The following CD2AP variants were observed in gnomAD, a reference collection of about 807,000 sequenced individuals.
CD2AP encodes CD2 associated protein.
CD2AP carries 46 observed loss-of-function variants against 85.1 expected under a neutral mutation model. The ratio of observed to expected loss-of-function variants is 0.54; its 90% confidence interval spans 0.43 to 0.69. The LOEUF is 0.69. CD2AP is among the 30% of genes least tolerant of loss of function. CD2AP has a pLI of 0.00. For missense variants in CD2AP, 769 were observed against 729.5 expected, an observed-to-expected ratio of 1.05 and a Z score of -0.62; for synonymous variants, 255 against 252.9, an observed-to-expected ratio of 1.01 and a Z score of -0.08.
intron 2 of CD2AP, among the ~76,000 whole-genome samples, chr6:47,510,491 A>G (rs965087932): frequency 3.3e-5 from 5 of 152,216 alleles, no homozygotes; most frequent in African/African-American, 1.2e-4. Flanking sequence ...GGTTAAAAAA[A>G]CAAAAGGTGG....
At chr6:47,560,252 A>G (rs1353217253) in intron 5 of CD2AP, among the ~76,000 whole-genome samples, 1 of 152,164 alleles carries the variant, frequency 6.6e-6, no homozygotes, top group Non-Finnish European at 1.5e-5. Context: ...TAGTATTTCA[A>G]TGTGTATTTC....
At chr6:47,478,825 C>G (rs1008120310) in intron 1 of CD2AP, among the ~76,000 whole-genome samples, 1 of 152,076 alleles carries the variant, frequency 6.6e-6, no homozygotes, top group Non-Finnish European at 1.5e-5. Flanking sequence ...GTGTTGGCAC[C>G]TAAGCATTCA....
intron 11 of CD2AP, among the ~76,000 whole-genome samples, chr6:47,584,107 T>C (rs1768556040): frequency 6.6e-6 from 1 of 152,234 alleles, no homozygotes; most frequent in Non-Finnish European, 1.5e-5. Flanking sequence ...AGGTTTTTTT[T>C]CCTTCAGTTT....
At chr6:47,593,140 AT>A (rs1391651001) in intron 11 of CD2AP, among the ~76,000 whole-genome samples, 1 of 152,122 alleles carries the variant, frequency 6.6e-6, no homozygotes, top group African/African-American at 2.4e-5. Context: ...GTGGGAATAA[AT>A]CCCCACACAT....
At chr6:47,612,993 A>C (rs1433594124) in intron 17 of CD2AP, among the ~76,000 whole-genome samples, 1 of 152,122 alleles carries the variant, frequency 6.6e-6, no homozygotes, top group East Asian at 1.9e-4. Flanking sequence ...TATTCACAGG[A>C]TCTTCACCAA....
chr6:47,562,776 T>C (rs1380762598), intron 5 of CD2AP: 14 of 1,080,972 alleles, frequency 1.3e-5, no homozygotes, highest in Admixed American at 8.5e-5. Context: ...TTTGTGTGCT[T>C]GCATCCAACT....
At chr6:47,537,796 ATT>A (rs777466357) in intron 3 of CD2AP, among the ~76,000 whole-genome samples, 7 of 145,370 alleles carry the variant, frequency 4.8e-5, no homozygotes, top group Non-Finnish European at 6.1e-5. Context: ...AAGGATGAGA[ATT>A]TTTTTTTTTT....
At chr6:47,524,671 A>G (rs961959377) in intron 2 of CD2AP, among the ~76,000 whole-genome samples, 3 of 152,162 alleles carry the variant, frequency 2.0e-5, no homozygotes, top group Non-Finnish European at 2.9e-5. Flanking sequence ...AAAAAAGGAA[A>G]GGAGTAGGAT....
At chr6:47,524,191 T>A (rs866332130) in intron 2 of CD2AP, among the ~76,000 whole-genome samples, 1 of 152,142 alleles carries the variant, frequency 6.6e-6, no homozygotes, top group South Asian at 2.1e-4. Context: ...TTGTTTCGGC[T>A]AAGGTATTTC....
chr6:47,626,153 G>T lies in CD2AP; in HGVS notation c.*1926G>T, dbSNP rs1469286080. ...ATTTCAGGCTGTTCTTAAAGTTTTT[G>T]TTGGTCATTTTCTCAATAGTACATG... is the stretch of plus-strand genomic sequence containing the variant. On this transcript the variant is annotated 3_prime_UTR_variant, in exon 18 of 18. Transcript: ENST00000359314. The T allele has an allele frequency of 1.3e-5, 2 of 151,880 alleles. No homozygotes were observed. The highest frequency in any genetic ancestry group is 2.9e-5 in the Non-Finnish European group (2 of 67,806). 9.4% of individuals were successfully genotyped at this position (151,880 alleles called of 1,614,324 possible).
intron 17 of CD2AP, among the ~76,000 whole-genome samples, chr6:47,615,467 T>C (rs1392855914): frequency 2.0e-5 from 3 of 152,126 alleles, no homozygotes; most frequent in Non-Finnish European, 4.4e-5. Flanking sequence ...TGGGGAGGCC[T>C]CAGGGAGCTT....
intron 3 of CD2AP, 48 bp downstream of exon 3, chr6:47,533,803 T>TATTTTATAACTGTGTCTAAATTAAGA: frequency 6.3e-7 from 1 of 1,586,132 alleles, no homozygotes; most frequent in Non-Finnish European, 8.6e-7. Context: ...AATAGAAGGA[T>TATTTTATAACTGTGTCTAAATTAAGA]ATTTTATAAC....
intron 2 of CD2AP, among the ~76,000 whole-genome samples, chr6:47,531,347 TACAC>T (rs1475369186): frequency 2.0e-5 from 3 of 152,066 alleles, no homozygotes; most frequent in East Asian, 3.9e-4. Flanking sequence ...TAAAAAATAA[TACAC>T]AGAAACTGAA....
chr6:47,506,810 G>A (rs1278212088), intron 2 of CD2AP, among the ~76,000 whole-genome samples: 1 of 27,738 alleles, frequency 3.6e-5, no homozygotes, highest in Non-Finnish European at 6.8e-5. Flanking sequence ...AGAGGGAGAG[G>A]GAGAGGGAGA....
At chr6:47,617,243 G>A (rs907248474) in intron 17 of CD2AP, among the ~76,000 whole-genome samples, 4 of 152,126 alleles carry the variant, frequency 2.6e-5, no homozygotes, top group African/African-American at 9.7e-5. Flanking sequence ...AGGATTAAAG[G>A]TATGAGCCAC....
chr6:47,549,572 C>T (rs186715696), intron 4 of CD2AP, among the ~76,000 whole-genome samples: 207 of 149,868 alleles, frequency 1.4e-3, no homozygotes, highest in African/African-American at 4.7e-3. Flanking sequence ...ACGACAAAAA[C>T]AAATGGAAAC....
chr6:47,535,006 G>A (rs973534077), intron 3 of CD2AP, among the ~76,000 whole-genome samples: 2 of 151,960 alleles, frequency 1.3e-5, no homozygotes, highest in Non-Finnish European at 2.9e-5. Context: ...CATGTTGCCT[G>A]AGCTGTTCTT....
At chr6:47,554,890 A>G (rs945899063) in intron 5 of CD2AP, 124 bp downstream of exon 5, 2 of 969,256 alleles carry the variant, frequency 2.1e-6, no homozygotes, top group Non-Finnish European at 3.0e-6. Flanking sequence ...CAATTAGTCT[A>G]CTTTAAAAAA....
intron 13 of CD2AP, among the ~76,000 whole-genome samples, chr6:47,604,604 A>G (rs1404557494): frequency 6.6e-6 from 1 of 152,084 alleles, no homozygotes; most frequent in Non-Finnish European, 1.5e-5. Flanking sequence ...TAATGCACAC[A>G]TCAGTGTAAA....
Sources: gnomAD v4.1 joint callset for allele counts (sites outside exome capture counted in the v4.1 genomes callset) on GRCh38, gnomAD v4.1.1 for gene constraint, MANE v1.5 for transcripts, NCBI Gene and HGNC (gene_info 2026-07-23, HGNC 2026-07-21) for gene names.